The following RELN variants were observed in gnomAD, a reference collection of about 807,000 sequenced individuals.
The protein encoded by RELN is reelin.
A neutral mutation model predicts 427.6 loss-of-function variants in RELN; 108 were observed. The observed-to-expected ratio is 0.25, with a 90% CI of 0.22 to 0.30. The LOEUF is 0.30. Ranked by LOEUF, RELN falls within the 10% of genes least tolerant of loss-of-function variation. The pLI is 1.00. For synonymous variants in RELN, 1,524 were observed against 1,513.4 expected (o/e 1.01, Z -0.16); for missense variants, 3,715 against 4,302.8 (o/e 0.86, Z 3.82).
intron 2 of RELN, among the ~76,000 whole-genome samples, chr7:103,896,530 T>C (rs1794964166): frequency 6.6e-6 from 1 of 151,970 alleles, no homozygotes; most frequent in Admixed American, 6.6e-5. Context: ...TGTATTTACA[T>C]AAAGTTCTAG....
intron 4 of RELN, among the ~76,000 whole-genome samples, chr7:103,773,130 T>TTCTC (rs1426840206): frequency 1.3e-4 from 13 of 98,058 alleles, no homozygotes; most frequent in Non-Finnish European, 2.3e-4. Context: ...CTTTCTTTCT[T>TTCTC]TCTTTCTTTC....
In RELN at chr7:103,900,014, G is replaced by C. The variant is rs28793992; in HGVS notation, c.337+17061C>G. On this transcript the variant is annotated intron_variant, in intron 2 of 64. Coordinates refer to ENST00000428762, the MANE Select transcript of RELN (RefSeq NM_005045.4). ...GAAAAGAGGAAGTCAAATAGTCCCTGTTTGCAGTTGACATGATTGTATATT... is the reference window on the plus strand; with the variant it reads ...GAAAAGAGGAAGTCAAATAGTCCCTCTTTGCAGTTGACATGATTGTATATT... Among the ~76,000 whole-genome samples the C allele has an allele frequency of 6.0e-3, 911 of 152,242 alleles. 9 individuals are homozygous for C. Among genetic ancestry groups the C allele is most frequent in the African/African-American group, 0.021 (878 of 41,548 alleles).
At chr7:103,700,532 G>A (rs1834067788) in intron 9 of RELN, among the ~76,000 whole-genome samples, 1 of 152,122 alleles carries the variant, frequency 6.6e-6, no homozygotes, top group South Asian at 2.1e-4. Context: ...TCACAGACTG[G>A]AAGGGATTTA....
In RELN at chr7:103,815,992, T is replaced by C. The variant is rs375375868; in HGVS notation, c.473+17545A>G. Reference sequence around the variant, plus strand: ...TTAAACTGTTATACGTCAAGTCCTCTAAAATAGAAAAAAAAGGCACTTCTG... The same window carrying C: ...TTAAACTGTTATACGTCAAGTCCTCCAAAATAGAAAAAAAAGGCACTTCTG... On this transcript the variant is annotated intron_variant, in intron 3 of 64. Coordinates refer to ENST00000428762, the MANE Select transcript of RELN (RefSeq NM_005045.4). Among the ~76,000 whole-genome samples, 23 of 152,306 alleles carry C rather than the reference T, an allele frequency of 1.5e-4. No individual in the cohort carries two copies. In the South Asian group the frequency reaches 4.6e-3, roughly 30 times the overall value.
chr7:103,647,776 G>A (rs1832826936), intron 16 of RELN, among the ~76,000 whole-genome samples: 1 of 151,992 alleles, frequency 6.6e-6, no homozygotes, highest in South Asian at 2.1e-4. Flanking sequence ...CAAAGCTGGA[G>A]GCATCACATT....
intron 1 of RELN, among the ~76,000 whole-genome samples, chr7:103,951,610 C>CATTG (rs1166478908): frequency 6.6e-6 from 1 of 152,110 alleles, no homozygotes; most frequent in Non-Finnish European, 1.5e-5. Context: ...TTTCAACACC[C>CATTG]ATTGCCATGA....
intron 59 of RELN, among the ~76,000 whole-genome samples, chr7:103,490,336 C>T (rs1437301441): frequency 6.6e-6 from 1 of 152,318 alleles, no homozygotes; most frequent in East Asian, 1.9e-4. Flanking sequence ...AGGCAGAACA[C>T]TGGGGCAGAA....
intron 3 of RELN, among the ~76,000 whole-genome samples, chr7:103,823,122 A>G (rs1317978952): frequency 6.6e-6 from 1 of 151,812 alleles, no homozygotes; most frequent in Non-Finnish European, 1.5e-5. Context: ...ATAATTTTTT[A>G]CTTATTTTGT....
chr7:103,680,359 C>T (rs1355268887), intron 11 of RELN, among the ~76,000 whole-genome samples: 1 of 151,976 alleles, frequency 6.6e-6, no homozygotes, highest in East Asian at 1.9e-4. Context: ...CTCTGGGACT[C>T]CCTGAAGAGG....
At position 103,956,465 on chromosome 7, in the gene RELN, C is replaced by T. The variant is rs112928210; in HGVS notation, c.226+32666G>A. Among the ~76,000 whole-genome samples, 1,429 of 152,212 alleles carry T rather than the reference C, an allele frequency of 9.4e-3. 22 individuals are homozygous for T. Among genetic ancestry groups the T allele is most frequent in the African/African-American group, 0.033 (1,384 of 41,532 alleles). On this transcript the variant is annotated intron_variant, in intron 1 of 64. Transcript: ENST00000428762. ...CACGAAATGAGAGTTCTAATCAGCA[C>T]AACAGAAAAGTATATCCTTACAGCA...
chr7:103,874,858 T>C (rs890395661), intron 2 of RELN, among the ~76,000 whole-genome samples: 3 of 148,292 alleles, frequency 2.0e-5, no homozygotes, highest in Non-Finnish European at 4.5e-5. Context: ...AAAAAACTAC[T>C]TTAAAGTTCA....
intron 1 of RELN, among the ~76,000 whole-genome samples, chr7:103,940,389 G>A (rs1472532190): frequency 3.3e-5 from 5 of 152,228 alleles, no homozygotes; most frequent in African/African-American, 1.2e-4. Flanking sequence ...CAACAGTTAT[G>A]TGTTCAAACT....
chr7:103,799,341 C>T (rs1392640357), intron 3 of RELN, among the ~76,000 whole-genome samples: 1 of 152,158 alleles, frequency 6.6e-6, no homozygotes, highest in Admixed American at 6.6e-5. Context: ...TAGGATGCTA[C>T]TACAATTAGA....
intron 4 of RELN, among the ~76,000 whole-genome samples, chr7:103,755,189 C>T (rs1791103528): frequency 6.6e-6 from 1 of 152,118 alleles, no homozygotes; most frequent in African/African-American, 2.4e-5. Flanking sequence ...GGCCCGGTGG[C>T]TCATGCCTGT....
intron 28 of RELN, among the ~76,000 whole-genome samples, chr7:103,579,003 C>T (rs1831066081): frequency 6.6e-6 from 1 of 152,192 alleles, no homozygotes; most frequent in Non-Finnish European, 1.5e-5. Flanking sequence ...TTCAACATCC[C>T]TTCATTCAGT....
At chr7:103,935,999 C>G (rs1795974252) in intron 1 of RELN, among the ~76,000 whole-genome samples, 1 of 152,086 alleles carries the variant, frequency 6.6e-6, no homozygotes, top group African/African-American at 2.4e-5. Flanking sequence ...CTAATACTGC[C>G]AATTTTATCT....
Position 103,574,074 on chromosome 7 carries a change from C to T in RELN, c.4511+18G>A, listed in dbSNP as rs1160399767. 2 of 1,574,534 alleles carry T rather than the reference C, an allele frequency of 1.3e-6. No individual in the cohort carries two copies. Among genetic ancestry groups the T allele is most frequent in the Non-Finnish European group, 1.7e-6 (2 of 1,144,042 alleles). On this transcript the variant is annotated intron_variant, in intron 30 of 64. Transcript: ENST00000428762. The stretch of plus-strand genomic sequence containing the variant: ...AATAATATGTTTGTGAAAAAGTATA[C>T]CAGTTAATACTTGTTACCTGATATT...
At chr7:103,688,951 G>T (rs1833816977) in intron 10 of RELN, among the ~76,000 whole-genome samples, 1 of 152,056 alleles carries the variant, frequency 6.6e-6, no homozygotes, top group Non-Finnish European at 1.5e-5. Context: ...CAATAGTAAA[G>T]GTAGTAAAGG....
chr7:103,629,145 G>A (rs1406763672), intron 20 of RELN, among the ~76,000 whole-genome samples: 1 of 152,138 alleles, frequency 6.6e-6, no homozygotes, highest in Non-Finnish European at 1.5e-5. Flanking sequence ...TATCCACCAT[G>A]TGAACTACAC....
Sources: gnomAD v4.1 joint callset for allele counts (sites outside exome capture counted in the v4.1 genomes callset) on GRCh38, gnomAD v4.1.1 for gene constraint, MANE v1.5 for transcripts, NCBI Gene and HGNC (gene_info 2026-07-23, HGNC 2026-07-21) for gene names.